NFIB: variants seen among roughly 807,000 people sequenced by gnomAD.
NFIB encodes nuclear factor I B, also known as nuclear factor 1 B-type.
NFIB carries 11 observed loss-of-function variants against 61.5 expected under a neutral mutation model. That is an observed-to-expected ratio of 0.18 (90% CI 0.11 to 0.30). The LOEUF (loss-of-function observed/expected upper bound fraction) is 0.30. NFIB is among the 10% of genes least tolerant of loss of function. NFIB has a pLI of 1.00. For synonymous variants in NFIB, 260 were observed against 216.5 expected, an observed-to-expected ratio of 1.20 and a Z score of -1.76; for missense variants, 471 against 608.9, an observed-to-expected ratio of 0.77 and a Z score of 2.38.
chr9:14,275,227 CCTCTGTGAATT>C (rs2132370911), intron 2 of NFIB, among the ~76,000 whole-genome samples: 1 of 152,186 alleles, frequency 6.6e-6, no homozygotes, highest in South Asian at 2.1e-4. Context: ...AAGGGGTTAA[CCTCTGTGAATT>C]CTACTTCTGT....
the NFIB span, among the ~76,000 whole-genome samples, chr9:14,531,687 TA>T: frequency 0.18 from 25,594 of 144,378 alleles, 2,452 homozygotes; most frequent in Non-Finnish European, 0.22. Flanking sequence ...CATTTTTCTT[TA>T]AAAAAAAAAA....
At chr9:14,296,682 T>G (rs2059464184) in intron 2 of NFIB, among the ~76,000 whole-genome samples, 1 of 152,236 alleles carries the variant, frequency 6.6e-6, no homozygotes. Flanking sequence ...AACTTGACTA[T>G]GCTGGCACTC....
intron 6 of NFIB, among the ~76,000 whole-genome samples, chr9:14,145,963 T>C (rs1233136794): frequency 6.6e-6 from 1 of 152,132 alleles, no homozygotes; most frequent in African/African-American, 2.4e-5. Flanking sequence ...CATGCTTACA[T>C]ACCAACAAAA....
At chr9:14,213,337 T>A (rs947955357) in intron 2 of NFIB, among the ~76,000 whole-genome samples, 3 of 152,202 alleles carry the variant, frequency 2.0e-5, no homozygotes, top group Non-Finnish European at 4.4e-5. Flanking sequence ...CCAGGTTCCT[T>A]GTTAGTCACA....
At chr9:14,281,880 A>T (rs974161581) in intron 2 of NFIB, among the ~76,000 whole-genome samples, 1 of 152,172 alleles carries the variant, frequency 6.6e-6, no homozygotes, top group African/African-American at 2.4e-5. Context: ...TTCAGTGAAC[A>T]TAAGAATGAC....
chr9:14,208,280 A>G (rs2049960854), intron 2 of NFIB, among the ~76,000 whole-genome samples: 1 of 152,224 alleles, frequency 6.6e-6, no homozygotes, highest in Non-Finnish European at 1.5e-5. Flanking sequence ...TGTTCAGTGT[A>G]GTGGCAGTTT....
chr9:14,258,443 T>A (rs925363222), intron 2 of NFIB, among the ~76,000 whole-genome samples: 1 of 152,356 alleles, frequency 6.6e-6, no homozygotes. Flanking sequence ...AGCCAGAACT[T>A]CTTCTGCCAT....
intron 2 of NFIB, among the ~76,000 whole-genome samples, chr9:14,285,445 T>G (rs1253205345): frequency 6.6e-6 from 1 of 152,190 alleles, no homozygotes; most frequent in African/African-American, 2.4e-5. Flanking sequence ...TTTTAGTGTG[T>G]CAATAAGTGA....
intron 1 of NFIB, among the ~76,000 whole-genome samples, chr9:14,360,792 C>A (rs2061230349): frequency 2.0e-5 from 3 of 152,048 alleles, no homozygotes; most frequent in Admixed American, 1.3e-4. Flanking sequence ...CATCCGCCCG[C>A]CTGGGCCTCC....
At chr9:14,146,249 C>T (rs1563832726) in intron 6 of NFIB, among the ~76,000 whole-genome samples, 1 of 152,066 alleles carries the variant, frequency 6.6e-6, no homozygotes, top group Non-Finnish European at 1.5e-5. Flanking sequence ...ATATGGTCTA[C>T]CTACTTCCAA....
intron 3 of NFIB, among the ~76,000 whole-genome samples, chr9:14,162,926 T>C (rs994972814): frequency 6.6e-6 from 1 of 152,082 alleles, no homozygotes; most frequent in Non-Finnish European, 1.5e-5. Context: ...ATCTTTTTAA[T>C]GGATGTGGAA....
intron 10 of NFIB, among the ~76,000 whole-genome samples, chr9:14,091,170 G>A (rs2033841557): frequency 6.6e-6 from 1 of 151,630 alleles, no homozygotes; most frequent in Admixed American, 6.6e-5. Context: ...CCCCATATAT[G>A]AGTTTTACAA....
At chr9:14,482,190 G>A in the NFIB span, among the ~76,000 whole-genome samples, 3 of 151,530 alleles carry the variant, frequency 2.0e-5, no homozygotes, top group East Asian at 2.0e-4. Context: ...CTTAGTTCAC[G>A]AATCCCATCT....
At chr9:14,294,917 C>A (rs778345822) in intron 2 of NFIB, among the ~76,000 whole-genome samples, 3 of 152,086 alleles carry the variant, frequency 2.0e-5, no homozygotes, top group Non-Finnish European at 4.4e-5. Context: ...GTTCAGTGGC[C>A]GTAGGGAAAC....
At chr9:14,243,611 T>TA (rs140381562) in intron 2 of NFIB, among the ~76,000 whole-genome samples, 68,263 of 151,418 alleles carry the variant, frequency 0.45, 16,843 homozygotes, top group Middle Eastern at 0.67. Context: ...GGGTATTTTT[T>TA]AAAAAAAAAG....
chr9:14,343,023 T>C lies in NFIB; in HGVS notation c.109-35503A>G, dbSNP rs558441745. Among the ~76,000 whole-genome samples the C allele has an allele frequency of 3.3e-5, 5 of 151,698 alleles. 1 individual carries two copies. In the East Asian group the frequency reaches 9.7e-4, roughly 29 times the overall value. On this transcript the variant is annotated intron_variant, in intron 1 of 8. Coordinates refer to the NFIB transcript ENST00000380934. ...TGAGGCCAACGGAAATAATTTGTCCTGTTTCTGTTGCCTAGTGAGCATGGC... is the reference window on the plus strand; with the variant it reads ...TGAGGCCAACGGAAATAATTTGTCCCGTTTCTGTTGCCTAGTGAGCATGGC...
At chr9:14,505,010 A>G in the NFIB span, among the ~76,000 whole-genome samples, 3 of 152,292 alleles carry the variant, frequency 2.0e-5, no homozygotes, top group African/African-American at 7.2e-5. Flanking sequence ...TGTCCCTTCT[A>G]TGCCGATTTT....
intron 10 of NFIB, among the ~76,000 whole-genome samples, chr9:14,110,498 T>C (rs1450862627): frequency 1.3e-5 from 2 of 152,066 alleles, no homozygotes; most frequent in Non-Finnish European, 2.9e-5. Flanking sequence ...ATTGATTACC[T>C]TTATTTCATG....
At chr9:14,322,412 C>A (rs1395726778) in intron 1 of NFIB, 1 of 234,552 alleles carries the variant, frequency 4.3e-6, no homozygotes, top group East Asian at 6.0e-5. Context: ...CAGATGCAGC[C>A]GGCACGGCCC....
Sources: allele counts gnomAD v4.1 joint callset (sites outside exome capture counted in the v4.1 genomes callset), GRCh38; gene constraint gnomAD v4.1.1; transcripts MANE v1.5; gene names NCBI Gene and HGNC (gene_info 2026-07-23, HGNC 2026-07-21).